RGS6: variants seen among roughly 807,000 people sequenced by gnomAD.
RGS6 encodes the protein regulator of G-protein signaling 6.
Under a neutral mutation model 78.5 loss-of-function variants are expected in RGS6, and 30 were observed. The observed-to-expected ratio is 0.38, with a 90% CI of 0.29 to 0.52. The LOEUF (loss-of-function observed/expected upper bound fraction) is 0.52, where lower values mean the gene tolerates loss of function less well. Ranked by LOEUF, RGS6 falls within the 20% of genes least tolerant of loss-of-function variation. RGS6 has a pLI of 0.85. For missense variants in RGS6, 495 were observed against 609.7 expected (o/e 0.81, Z 1.98); for synonymous variants, 206 against 206.0 (o/e 1.00, Z 0.00).
intron 8 of RGS6, 69 bp downstream of exon 8, chr14:72,470,152 G>A: frequency 8.2e-7 from 1 of 1,214,508 alleles, no homozygotes; most frequent in Non-Finnish European, 1.2e-6. Flanking sequence ...GTGTGAAGGT[G>A]GGATTGTCAA....
At chr14:72,547,066 G>A in intron 17 of RGS6, 1 of 1,056,362 alleles carries the variant, frequency 9.5e-7, no homozygotes, top group Non-Finnish European at 1.4e-6. Context: ...CTAGTAAGAA[G>A]GCAGAGAGTG....
intron 2 of RGS6, among the ~76,000 whole-genome samples, chr14:72,076,833 A>G (rs1237200779): frequency 6.6e-6 from 1 of 152,024 alleles, no homozygotes; most frequent in African/African-American, 2.4e-5. Flanking sequence ...GGCCTGGCCT[A>G]TGTATACATA....
chr14:72,411,645 A>C (rs370555381), intron 3 of RGS6, among the ~76,000 whole-genome samples: 82 of 152,274 alleles, frequency 5.4e-4, no homozygotes, highest in East Asian at 2.5e-3. Context: ...GTCTTGTGCC[A>C]GTTTTCAAAG....
chr14:72,000,969 T>G (rs1381566332), intron 2 of RGS6, among the ~76,000 whole-genome samples: 1 of 152,232 alleles, frequency 6.6e-6, no homozygotes, highest in Non-Finnish European at 1.5e-5. Flanking sequence ...GAATATATCC[T>G]GATTTCTCCC....
intron 3 of RGS6, among the ~76,000 whole-genome samples, chr14:72,398,779 A>G (rs945655580): frequency 1.3e-5 from 2 of 152,150 alleles, no homozygotes; most frequent in African/African-American, 4.8e-5. Context: ...TTCAAAAAAC[A>G]TCTTTATTTC....
At chr14:72,087,209 C>T (rs566101582) in intron 2 of RGS6, among the ~76,000 whole-genome samples, 1 of 152,296 alleles carries the variant, frequency 6.6e-6, no homozygotes, top group East Asian at 1.9e-4. Flanking sequence ...TAGCTCACTG[C>T]AACTTCTGCC....
rs139437963 is a variant in RGS6, at chr14:72,409,812, C to T, written c.185-44716C>T. Among the ~76,000 whole-genome samples, 7 of 152,064 alleles carry T rather than the reference C, an allele frequency of 4.6e-5. 1 individual carries two copies. The highest frequency in any genetic ancestry group is 1.9e-4 in the East Asian group (1 of 5,160). On this transcript the variant is annotated intron_variant, in intron 3 of 17. Coordinates refer to ENST00000553525, the MANE Select transcript of RGS6 (RefSeq NM_001204424.2). ...CCCACCTGTGAGTGAGAACATGCAG[C>T]GTTTGGTTTTTTGTTCTTGCAATAG... is the stretch of plus-strand genomic sequence containing the variant.
intron 2 of RGS6, among the ~76,000 whole-genome samples, chr14:72,286,441 G>A (rs1304213085): frequency 1.3e-5 from 2 of 152,212 alleles, no homozygotes; most frequent in South Asian, 2.1e-4. Flanking sequence ...ATCAGGAAGT[G>A]TGATGCATCC....
rs558808815 is a variant in RGS6 at position 72,161,958 on chromosome 14, T to C, written c.85-190137T>C. On this transcript the variant is annotated intron_variant, in intron 2 of 17. Coordinates refer to ENST00000553525, the MANE Select transcript of RGS6 (RefSeq NM_001204424.2). The stretch of plus-strand genomic sequence containing the variant: ...GGGTATTTGACTTCAAATCATTTCA[T>C]CTCTTCTGTTCTTCCTCTCATCTAG... Among the ~76,000 whole-genome samples the C allele has an allele frequency of 2.1e-4, 32 of 152,400 alleles. No homozygotes were observed. The East Asian group carries it at 3.9e-3, about 18-fold the overall frequency.
chr14:71,884,947 A>G, the RGS6 span, among the ~76,000 whole-genome samples: 3 of 152,238 alleles, frequency 2.0e-5, no homozygotes, highest in Admixed American at 2.0e-4. Context: ...GCCTCCTGAA[A>G]TTTTGTGCCC....
intron 2 of RGS6, among the ~76,000 whole-genome samples, chr14:71,993,792 A>G (rs1468320321): frequency 6.6e-6 from 1 of 152,126 alleles, no homozygotes; most frequent in Non-Finnish European, 1.5e-5. Context: ...CCAGACTTTC[A>G]TAACTTGTAT....
intron 1 of RGS6, among the ~76,000 whole-genome samples, chr14:71,939,625 C>A (rs1186383871): frequency 6.6e-6 from 1 of 152,202 alleles, no homozygotes; most frequent in East Asian, 1.9e-4. Context: ...TGGCTGCATA[C>A]CAAGTACTAG....
chr14:72,237,231 A>G (rs1464190011), intron 2 of RGS6, among the ~76,000 whole-genome samples: 5 of 152,150 alleles, frequency 3.3e-5, no homozygotes, highest in African/African-American at 1.2e-4. Flanking sequence ...ATATGCCACA[A>G]TTTTTAAATC....
chr14:72,375,547 G>A lies in RGS6; in HGVS notation c.184+23353G>A, dbSNP rs561262298. ...CTGCTCCTGGCAAGCATGCCCCCAG[G>A]CCAGCTGAGAAACCATGTGCCCCTA... On this transcript the variant is annotated intron_variant, in intron 3 of 17. Coordinates refer to ENST00000553525, the MANE Select transcript of RGS6 (RefSeq NM_001204424.2). Among the ~76,000 whole-genome samples, 9 of 152,216 alleles carry A rather than the reference G, an allele frequency of 5.9e-5. No individual in the cohort carries two copies. In the East Asian group the frequency reaches 1.7e-3, roughly 29 times the overall value.
At chr14:72,282,233 T>G (rs897641921) in intron 2 of RGS6, among the ~76,000 whole-genome samples, 4 of 152,170 alleles carry the variant, frequency 2.6e-5, no homozygotes, top group Admixed American at 1.3e-4. Flanking sequence ...TGCGAGTCAC[T>G]TTTCTCTATC....
chr14:72,007,648 C>G (rs1009013175), intron 2 of RGS6, among the ~76,000 whole-genome samples: 7 of 152,044 alleles, frequency 4.6e-5, no homozygotes, highest in African/African-American at 1.5e-4. Flanking sequence ...TCCTATGTAT[C>G]TCAGGGAAGC....
intron 2 of RGS6, among the ~76,000 whole-genome samples, chr14:72,348,984 G>GT (rs1041328226): frequency 3.3e-5 from 5 of 152,038 alleles, no homozygotes; most frequent in East Asian, 1.9e-4. Context: ...GGCTAACATG[G>GT]TGAAACCCTG....
intron 13 of RGS6, among the ~76,000 whole-genome samples, chr14:72,509,781 G>C (rs1028396459): frequency 2.0e-5 from 3 of 152,182 alleles, no homozygotes; most frequent in African/African-American, 7.2e-5. Flanking sequence ...GTGTTTTGAT[G>C]AAAGATTGGG....
chr14:72,140,126 G>C (rs1424539278), intron 2 of RGS6, among the ~76,000 whole-genome samples: 1 of 152,164 alleles, frequency 6.6e-6, no homozygotes. Context: ...TCCATGCTAT[G>C]ATGCTCCCCA....
Sources: gnomAD v4.1 joint callset for allele counts (sites outside exome capture counted in the v4.1 genomes callset) on GRCh38, gnomAD v4.1.1 for gene constraint, MANE v1.5 for transcripts, NCBI Gene and HGNC (gene_info 2026-07-23, HGNC 2026-07-21) for gene names.